CDH22: variants seen among roughly 807,000 people sequenced by gnomAD.
CDH22 encodes the protein cadherin 22, also known as cadherin-22.
A neutral mutation model predicts 58.4 loss-of-function variants in CDH22; 30 were observed. The ratio of observed to expected loss-of-function variants is 0.51; its 90% CI spans 0.38 to 0.70. The LOEUF is 0.70. CDH22 is among the 30% of genes least tolerant of loss of function. The probability of loss-of-function intolerance (pLI) is 0.00; values close to 1 mark genes in which losing one functional copy is unlikely to be tolerated. For synonymous variants in CDH22, 513 were observed against 558.2 expected (o/e 0.92, Z 1.14); for missense variants, 1,014 against 1,233.9 (o/e 0.82, Z 2.67).
At chr20:46,184,439 C>G (rs6065939) in intron 10 of CDH22, among the ~76,000 whole-genome samples, 2 of 152,130 alleles carry the variant, frequency 1.3e-5, no homozygotes, top group Admixed American at 1.3e-4. Flanking sequence ...TATCAAACAC[C>G]TACGATATGC....
At chr20:46,176,851 G>A (rs1428464265) in intron 11 of CDH22, among the ~76,000 whole-genome samples, 6 of 152,238 alleles carry the variant, frequency 3.9e-5, no homozygotes, top group South Asian at 2.1e-4. Flanking sequence ...TGCGGGTGGC[G>A]GGCGACAGAT....
chr20:46,261,612 C>T lies in CDH22; in HGVS notation c.-399-9919G>A, dbSNP rs1048665532. On this transcript the variant is annotated intron_variant, in intron 1 of 11. Coordinates refer to ENST00000537909, the MANE Select transcript of CDH22 (RefSeq NM_021248.3). Reference sequence around the variant, plus strand: ...GTGTCCTCTCTCCATGCTTGCCTGGCTTCCAGGGCTGCCAGTGGGAGCGGT... The same window carrying T: ...GTGTCCTCTCTCCATGCTTGCCTGGTTTCCAGGGCTGCCAGTGGGAGCGGT... Among the ~76,000 whole-genome samples, 6 of 152,178 alleles carry T rather than the reference C, an allele frequency of 3.9e-5. No individual in the cohort carries two copies. The South Asian group carries it at 1.0e-3, about 26-fold the overall frequency.
chr20:46,210,250 G>T lies in CDH22; in HGVS notation c.1286+57C>A. ...CCTCCCCTCTGCCCGCAGTCTGTCC[G>T]CGGGGGTGATGGCGGGATAGCAGGC... On this transcript the variant is annotated intron_variant, in intron 7 of 11. Coordinates refer to ENST00000537909, the MANE Select transcript of CDH22 (RefSeq NM_021248.3). The surrounding 1 kb of genome is among the most constrained non-coding windows in gnomAD (Gnocchi z 4.5). The T allele has an allele frequency of 7.4e-7, 1 of 1,358,716 alleles. No homozygotes were observed. The highest frequency in any genetic ancestry group is 3.1e-5 in the East Asian group (1 of 31,964). The allele number at this position is 1,358,716 out of a possible 1,614,324, so 84.2% of individuals were successfully genotyped here.
chr20:46,259,089 T>C (rs984271758), intron 1 of CDH22, among the ~76,000 whole-genome samples: 8 of 152,176 alleles, frequency 5.3e-5, no homozygotes, highest in Non-Finnish European at 1.0e-4. Flanking sequence ...CAGCCTAGGG[T>C]AGAGACATCC....
chr20:46,203,902 C>G (rs2085979391), intron 7 of CDH22, among the ~76,000 whole-genome samples: 1 of 152,124 alleles, frequency 6.6e-6, no homozygotes, highest in South Asian at 2.1e-4. Context: ...GGAACTAGAA[C>G]AGGTGAGGCT....
At chr20:46,204,417 A>AAAAAAAG (rs1380356797) in intron 7 of CDH22, among the ~76,000 whole-genome samples, 7 of 113,848 alleles carry the variant, frequency 6.1e-5, no homozygotes, top group African/African-American at 2.4e-4. Flanking sequence ...AAAAAAAAAA[A>AAAAAAAG]AGAGAGAGAG....
chr20:46,263,060 C>G (rs2086441234), intron 1 of CDH22, among the ~76,000 whole-genome samples: 1 of 152,236 alleles, frequency 6.6e-6, no homozygotes, highest in Non-Finnish European at 1.5e-5. Context: ...GTCTCAGAAC[C>G]AAGCTCTTCT....
At chr20:46,295,373 G>A (rs1212696496) in intron 1 of CDH22, among the ~76,000 whole-genome samples, 1 of 152,180 alleles carries the variant, frequency 6.6e-6, no homozygotes, top group African/African-American at 2.4e-5. Flanking sequence ...TGAGCTCTCC[G>A]CTGTCCACTC....
intron 7 of CDH22, among the ~76,000 whole-genome samples, chr20:46,201,198 G>A (rs1286242915): frequency 6.6e-6 from 1 of 152,242 alleles, no homozygotes; most frequent in African/African-American, 2.4e-5. Flanking sequence ...CCAAGCAAGC[G>A]CTCATTGTGC....
At chr20:46,254,938 G>C (rs1278127516) in intron 1 of CDH22, among the ~76,000 whole-genome samples, 1 of 152,194 alleles carries the variant, frequency 6.6e-6, no homozygotes, top group Non-Finnish European at 1.5e-5. Context: ...TTGGGGTGTT[G>C]GGGAGGAGAA....
Position 46,210,365 on chromosome 20 carries a change from C to T in CDH22, c.1228G>A (p.Gly410Ser), listed in dbSNP as rs2086032645. Residue 410 changes from glycine to serine, a missense_variant, in exon 7 of 12, where the codon GGC becomes AGC. Gly to Ser is a moderately conservative substitution (Grantham distance 56). Transcript: ENST00000537909. This position sits in a 1 kb window ranked among gnomAD's most constrained non-coding sequence, Gnocchi z 4.5. ...GCCGTCACCACGCCGACCAGGGAGC[C>T]CACCTGCGCGTCCTCCTGCACCTCC... is the stretch of plus-strand genomic sequence containing the variant. ...LLEVQEDAQVGSLVGVVTARD... is the reference protein window; with the variant it reads ...LLEVQEDAQVSSLVGVVTARD... 2 of 1,476,460 alleles carry T rather than the reference C, an allele frequency of 1.4e-6. No individual in the cohort carries two copies. Among genetic ancestry groups the T allele is most frequent in the African/African-American group, 1.5e-5 (1 of 68,180 alleles). 91.5% of individuals were successfully genotyped at this position (1,476,460 alleles called of 1,614,324 possible). A position where few individuals can be genotyped will look rare whatever the true frequency, so the allele number is the denominator to read the frequency against.
At chr20:46,297,179 G>T (rs1438430378) in intron 1 of CDH22, among the ~76,000 whole-genome samples, 1 of 152,206 alleles carries the variant, frequency 6.6e-6, no homozygotes, top group African/African-American at 2.4e-5. Flanking sequence ...GAAGCCAGGG[G>T]CTGCTCAAGG....
At position 46,210,156 on chromosome 20, in the gene CDH22, C is replaced by T. The variant is rs2086029900; in HGVS notation, c.1286+151G>A. ...TGGCTCCGTGCCTGTTTCTCTCCACCCGTGCGCCTCTCTCCGCGCCTCCCT... is the reference window on the plus strand; with the variant it reads ...TGGCTCCGTGCCTGTTTCTCTCCACTCGTGCGCCTCTCTCCGCGCCTCCCT... On this transcript the variant is annotated intron_variant, in intron 7 of 11. Transcript: ENST00000537909. The surrounding 1 kb of genome is among the most constrained non-coding windows in gnomAD (Gnocchi z 4.5). The T allele has an allele frequency of 2.6e-5, 19 of 740,120 alleles. No individual in the cohort carries two copies. Among genetic ancestry groups the T allele is most frequent in the Non-Finnish European group, 3.7e-5 (19 of 509,826 alleles). The allele number at this position is 740,120 out of a possible 1,614,324, so 45.8% of individuals were successfully genotyped here. A position where few individuals can be genotyped will look rare whatever the true frequency, so the allele number is the denominator to read the frequency against.
At chr20:46,227,143 G>C (rs1479668349) in intron 4 of CDH22, among the ~76,000 whole-genome samples, 1 of 152,178 alleles carries the variant, frequency 6.6e-6, no homozygotes. Flanking sequence ...AACTACACTT[G>C]TGACCCCGGA....
At chr20:46,297,912 C>A (rs2086635800) in intron 1 of CDH22, among the ~76,000 whole-genome samples, 1 of 152,112 alleles carries the variant, frequency 6.6e-6, no homozygotes, top group South Asian at 2.1e-4. Flanking sequence ...AGCCCTGTGC[C>A]CCTGATGGTC....
At chr20:46,184,103 CTT>C (rs34100273) in intron 10 of CDH22, among the ~76,000 whole-genome samples, 13,375 of 145,834 alleles carry the variant, frequency 0.092, 646 homozygotes, top group Non-Finnish European at 0.12. Flanking sequence ...TTCTCTCTCT[CTT>C]TTTTTTTTTT....
intron 1 of CDH22, among the ~76,000 whole-genome samples, chr20:46,258,206 G>A (rs1195210652): frequency 2.0e-5 from 3 of 152,170 alleles, no homozygotes; most frequent in Non-Finnish European, 4.4e-5. Context: ...ACAGGTTCAA[G>A]AGAACTGGGA....
chr20:46,183,172 G>C (rs2085801163), intron 10 of CDH22, among the ~76,000 whole-genome samples: 1 of 152,150 alleles, frequency 6.6e-6, no homozygotes, highest in Admixed American at 6.5e-5. Context: ...GGGCTGTACT[G>C]GTTGTTAAAA....
intron 1 of CDH22, among the ~76,000 whole-genome samples, chr20:46,285,186 TAGC>T (rs1264725317): frequency 2.6e-5 from 4 of 152,232 alleles, no homozygotes; most frequent in Non-Finnish European, 5.9e-5. Flanking sequence ...GCAGCATTGT[TAGC>T]AGAACTGCCT....
Sources: gnomAD v4.1 joint callset for allele counts (sites outside exome capture counted in the v4.1 genomes callset) on GRCh38, gnomAD v4.1.1 for gene constraint, Gnocchi (gnomAD v3.1) non-coding constraint, MANE v1.5 for transcripts, NCBI Gene and HGNC (gene_info 2026-07-23, HGNC 2026-07-21) for gene names.